The following CADPS2 variants were observed in gnomAD, a reference collection of about 807,000 sequenced individuals.
The protein encoded by CADPS2 is calcium-dependent secretion activator 2.
CADPS2 carries 93 observed loss-of-function variants against 172.5 expected under a neutral mutation model. The ratio of observed to expected loss-of-function variants is 0.54; its 90% CI spans 0.46 to 0.64. CADPS2 has a LOEUF of 0.64. Among genes scored for constraint, CADPS2 ranks in the 30% least tolerant of loss-of-function variants. CADPS2 has a pLI of 0.00. For missense variants in CADPS2, 1,420 were observed against 1,565.9 expected (o/e 0.91, Z 1.57); for synonymous variants, 546 against 555.2 (o/e 0.98, Z 0.23).
intron 3 of CADPS2, among the ~76,000 whole-genome samples, chr7:122,656,303 C>A (rs777639905): frequency 3.9e-5 from 6 of 152,064 alleles, no homozygotes; most frequent in Non-Finnish European, 8.8e-5. Context: ...GTTCAATCTC[C>A]CAGATCCTTC....
intron 3 of CADPS2, among the ~76,000 whole-genome samples, chr7:122,633,838 G>T (rs985632734): frequency 2.0e-5 from 3 of 152,056 alleles, no homozygotes; most frequent in African/African-American, 7.2e-5. Flanking sequence ...GTTTGTCATA[G>T]ATGGCTCTTA....
intron 17 of CADPS2, among the ~76,000 whole-genome samples, chr7:122,419,473 T>C (rs1013918945): frequency 1.6e-4 from 25 of 152,166 alleles, no homozygotes; most frequent in Admixed American, 1.6e-3. Flanking sequence ...TTTCTTAATT[T>C]CTCCATTTTT....
At chr7:122,400,598 C>A (rs898826941) in intron 20 of CADPS2, among the ~76,000 whole-genome samples, 1 of 152,162 alleles carries the variant, frequency 6.6e-6, no homozygotes, top group Non-Finnish European at 1.5e-5. Context: ...TTCTGACACA[C>A]CATTTTGAAT....
intron 17 of CADPS2, among the ~76,000 whole-genome samples, chr7:122,425,541 G>A (rs1414825621): frequency 6.6e-6 from 1 of 151,976 alleles, no homozygotes; most frequent in Non-Finnish European, 1.5e-5. Context: ...GGGAGGCAGA[G>A]GCTACGGTGA....
At chr7:122,799,074 A>C (rs981126025) in intron 1 of CADPS2, among the ~76,000 whole-genome samples, 1 of 152,134 alleles carries the variant, frequency 6.6e-6, no homozygotes, top group African/African-American at 2.4e-5. Flanking sequence ...AAGATAAATA[A>C]GAAAGTGCCT....
At chr7:122,590,033 C>G (rs779256258) in intron 6 of CADPS2, among the ~76,000 whole-genome samples, 7 of 151,808 alleles carry the variant, frequency 4.6e-5, no homozygotes, top group Non-Finnish European at 7.4e-5. Context: ...GATGTTTGCA[C>G]TATGCAAAAT....
intron 3 of CADPS2, among the ~76,000 whole-genome samples, chr7:122,652,733 CTCAAA>C (rs1234448715): frequency 9.2e-5 from 14 of 152,144 alleles, no homozygotes; most frequent in Admixed American, 7.9e-4. Context: ...ATACATTGTT[CTCAAA>C]TCAAAGAATC....
At chr7:122,446,541 A>AC (rs2052233872) in intron 15 of CADPS2, among the ~76,000 whole-genome samples, 1 of 152,090 alleles carries the variant, frequency 6.6e-6, no homozygotes, top group Non-Finnish European at 1.5e-5. Context: ...GGTAATGAAA[A>AC]CTAGAACTAC....
intron 9 of CADPS2, among the ~76,000 whole-genome samples, chr7:122,493,124 TAAGAG>T (rs1323190486): frequency 6.6e-6 from 1 of 152,110 alleles, no homozygotes; most frequent in Non-Finnish European, 1.5e-5. Flanking sequence ...AGCAACAGAC[TAAGAG>T]AAGATGCATG....
At chr7:122,781,874 G>A (rs145764643) in intron 1 of CADPS2, among the ~76,000 whole-genome samples, 38 of 152,022 alleles carry the variant, frequency 2.5e-4, no homozygotes, top group African/African-American at 7.2e-4. Flanking sequence ...AAATAACCAC[G>A]GTGAAATATG....
chr7:122,615,092 C>T (rs2074746908), intron 6 of CADPS2, 89 bp downstream of exon 6: 2 of 699,676 alleles, frequency 2.9e-6, no homozygotes, highest in Non-Finnish European at 4.6e-6. Flanking sequence ...GGTAATACCA[C>T]ACATTTATGC....
At chr7:122,812,419 AAAAGAG>A (rs549172257) in intron 1 of CADPS2, among the ~76,000 whole-genome samples, 2,449 of 151,870 alleles carry the variant, frequency 0.016, 62 homozygotes, top group African/African-American at 0.056. Context: ...GGAAAAAAAA[AAAAGAG>A]AGAGAGAGAG....
At chr7:122,768,103 T>A (rs1032433352) in intron 1 of CADPS2, among the ~76,000 whole-genome samples, 8 of 152,154 alleles carry the variant, frequency 5.3e-5, no homozygotes, top group African/African-American at 1.9e-4. Flanking sequence ...AAAGCCAAAC[T>A]TTCTCCTTAA....
chr7:122,845,668 G>T (rs1811799705), intron 1 of CADPS2, among the ~76,000 whole-genome samples: 1 of 152,200 alleles, frequency 6.6e-6, no homozygotes, highest in South Asian at 2.1e-4. Context: ...CAGGCTTCCA[G>T]CCTAGAGCAG....
chr7:122,557,519 A>G (rs773911728), intron 7 of CADPS2, among the ~76,000 whole-genome samples: 1 of 152,068 alleles, frequency 6.6e-6, no homozygotes, highest in Non-Finnish European at 1.5e-5. Flanking sequence ...TGTATATTGG[A>G]TTTATCCTGA....
intron 2 of CADPS2, among the ~76,000 whole-genome samples, chr7:122,675,860 C>T (rs1303641903): frequency 6.6e-6 from 1 of 152,058 alleles, no homozygotes; most frequent in Admixed American, 6.6e-5. Flanking sequence ...TTAGGACAAA[C>T]ACCCAATGCA....
intron 1 of CADPS2, among the ~76,000 whole-genome samples, chr7:122,744,065 A>T (rs2092615304): frequency 6.6e-6 from 1 of 152,240 alleles, no homozygotes; most frequent in African/African-American, 2.4e-5. Context: ...AGGTATAGAC[A>T]TGGTCAAATG....
At chr7:122,711,664 CTTT>C (rs1440000720) in intron 2 of CADPS2, among the ~76,000 whole-genome samples, 1 of 151,442 alleles carries the variant, frequency 6.6e-6, no homozygotes, top group African/African-American at 2.4e-5. Context: ...CATTTTTTTT[CTTT>C]TTTTAGACAG....
chr7:122,607,065 A>G (rs1236981937), intron 6 of CADPS2, among the ~76,000 whole-genome samples: 3 of 152,058 alleles, frequency 2.0e-5, no homozygotes, highest in Admixed American at 2.0e-4. Context: ...TAGACATTTC[A>G]CGCCTTCTTC....
Sources: gnomAD v4.1 joint callset for allele counts (sites outside exome capture counted in the v4.1 genomes callset) on GRCh38, gnomAD v4.1.1 for gene constraint, MANE v1.5 for transcripts, NCBI Gene and HGNC (gene_info 2026-07-23, HGNC 2026-07-21) for gene names.